GUCY2C: variants seen among roughly 807,000 people sequenced by gnomAD.
The protein encoded by GUCY2C is guanylate cyclase 2C.
Under a neutral mutation model 131.1 loss-of-function variants are expected in GUCY2C, and 118 were observed. The observed-to-expected ratio is 0.90, with a 90% CI of 0.78 to 1.05. The LOEUF (loss-of-function observed/expected upper bound fraction) is 1.05, where lower values mean the gene tolerates loss of function less well. Among genes scored for constraint, GUCY2C ranks in the 50% least tolerant of loss-of-function variants. The pLI, the probability that GUCY2C is intolerant of heterozygous loss-of-function variation, is 0.00. For missense variants in GUCY2C, 1,161 were observed against 1,304.4 expected (o/e 0.89, Z 1.69); for synonymous variants, 452 against 457.8 (o/e 0.99, Z 0.16).
intron 6 of GUCY2C, among the ~76,000 whole-genome samples, chr12:14,678,239 G>A (rs1861607): frequency 0.99 from 150,566 of 152,336 alleles, 74,422 homozygotes; most frequent in Middle Eastern, 1. Context: ...TTTACAAATG[G>A]GAAGATTTAA....
Position 14,621,197 on chromosome 12 carries a change from G to A in GUCY2C, c.2621C>T (p.Ala874Val), listed in dbSNP as rs1156904184. 6.2e-7 allele frequency: 1 copy of A among 1,612,884 alleles called. No individual in the cohort carries two copies. Among genetic ancestry groups the A allele is most frequent in the East Asian group, 2.2e-5 (1 of 44,864 alleles). Reference protein sequence around the residue: ...DVYKVETIGDAYMVASGLPKR... With the variant: ...DVYKVETIGDVYMVASGLPKR... ...AGGCAAACCACTAGCCACCATGTAC[G>A]CATCACCGATGGTTTCCACCTGTGG... The change falls in exon 23 of 27, where the codon GCG becomes GTG. Residue 874 changes from alanine (A) to valine (V), a missense_variant. By Grantham distance (64) the Ala-to-Val change is moderately conservative (BLOSUM62 0). Coordinates refer to ENST00000261170, the MANE Select transcript of GUCY2C (RefSeq NM_004963.4).
intron 5 of GUCY2C, 83 bp downstream of exon 5, chr12:14,681,273 A>G (rs1457225491): frequency 8.2e-7 from 1 of 1,215,846 alleles, no homozygotes; most frequent in African/African-American, 1.5e-5. Context: ...TCTGCAGTGG[A>G]GGATTTGTTG....
chr12:14,636,420 A>C (rs1243895853), intron 19 of GUCY2C, among the ~76,000 whole-genome samples: 1 of 152,198 alleles, frequency 6.6e-6, no homozygotes, highest in African/African-American at 2.4e-5. Context: ...TTCTTGATAA[A>C]AACTCTCAAA....
intron 12 of GUCY2C, among the ~76,000 whole-genome samples, chr12:14,653,244 C>T (rs990705547): frequency 6.6e-6 from 1 of 152,190 alleles, no homozygotes; most frequent in Non-Finnish European, 1.5e-5. Context: ...TATGGGTTTC[C>T]TCCCTTCCTC....
At chr12:14,633,348 T>G (rs530073774) in intron 19 of GUCY2C, among the ~76,000 whole-genome samples, 33 of 152,316 alleles carry the variant, frequency 2.2e-4, no homozygotes, top group Middle Eastern at 6.8e-3. Context: ...CACTACTGCA[T>G]GCACCCAGAA....
intron 3 of GUCY2C, among the ~76,000 whole-genome samples, chr12:14,684,582 TTCC>T (rs879628534): frequency 0.42 from 8,146 of 19,230 alleles, 497 homozygotes; most frequent in Non-Finnish European, 0.49. Context: ...CCTTCCTTCC[TTCC>T]TTCCTTCCTT....
chr12:14,683,340 G>T, intron 3 of GUCY2C, 83 bp from the exon 4 acceptor site: 1 of 808,246 alleles, frequency 1.2e-6, no homozygotes. Flanking sequence ...ACCTGTTTCA[G>T]CATGTATGTA....
At chr12:14,658,548 C>T (rs904614472) in intron 11 of GUCY2C, among the ~76,000 whole-genome samples, 10 of 152,194 alleles carry the variant, frequency 6.6e-5, no homozygotes, top group African/African-American at 1.4e-4. Context: ...TGGTGGTACA[C>T]GCCTGTAATT....
chr12:14,622,151 G>T lies in GUCY2C; in HGVS notation c.2455C>A (p.Leu819Ile). The change falls in exon 22 of 27, where the codon CTA becomes ATA. Residue 819 changes from leucine (L) to isoleucine (I), a missense_variant. Transcript: ENST00000261170. ...LKEKGFVEPE[L>I]YEEVTIYFSD... ...AAGTAGATTGTAACTTCCTCATATA[G>T]TTCCGGCTCCACAAAGCCTTTCTCC... 6.3e-7 allele frequency: 1 copy of T among 1,593,826 alleles called. No individual in the cohort carries two copies. The highest frequency in any genetic ancestry group is 8.5e-7 in the Non-Finnish European group (1 of 1,172,230).
intron 3 of GUCY2C, among the ~76,000 whole-genome samples, chr12:14,685,329 G>T (rs1193713815): frequency 2.6e-5 from 4 of 152,150 alleles, no homozygotes; most frequent in Non-Finnish European, 5.9e-5. Context: ...AGCATCTGAG[G>T]CTGTTTGTAA....
rs865971741 is a variant in GUCY2C, at chr12:14,681,398, C to T, written c.691G>A (p.Glu231Lys). ...TGGTCCATTAAGATATCCTGAAACT[C>T]CTTATCTTGTCTTAACACCACCTTA... is the stretch of plus-strand genomic sequence containing the variant. ...GFKVVLRQDKEFQDILMDHNR... is the reference protein window; with the variant it reads ...GFKVVLRQDKKFQDILMDHNR... Residue 231 changes from glutamate to lysine, a missense_variant, in exon 5 of 27, where the codon GAG (glutamate) becomes AAG (lysine). Coordinates refer to ENST00000261170, the MANE Select transcript of GUCY2C (RefSeq NM_004963.4). The T allele has an allele frequency of 6.2e-7, 1 of 1,611,990 alleles. No homozygotes were observed. Among genetic ancestry groups the T allele is most frequent in the Non-Finnish European group, 8.5e-7 (1 of 1,178,194 alleles).
chr12:14,669,862 A>C lies in GUCY2C; in HGVS notation c.1171-29T>G, dbSNP rs778431077. The C allele has an allele frequency of 3.3e-6, 3 of 895,802 alleles. No homozygotes were observed. The African/African-American group carries it at 5.1e-5, about 15-fold the overall frequency. 55.5% of individuals were successfully genotyped at this position (895,802 alleles called of 1,614,324 possible). On this transcript the variant is annotated intron_variant, in intron 9 of 26. Coordinates refer to ENST00000261170, the MANE Select transcript of GUCY2C (RefSeq NM_004963.4). ...TGTCAGGGCACAAAAAAGAAAAAGG[A>C]TGAACAGTAAAACATTATAGAACAA...
At chr12:14,653,873 C>G (rs779750510) in intron 12 of GUCY2C, among the ~76,000 whole-genome samples, 1 of 152,146 alleles carries the variant, frequency 6.6e-6, no homozygotes, top group Non-Finnish European at 1.5e-5. Context: ...TCTCATTTAA[C>G]AAATTAAGTA....
intron 1 of GUCY2C, among the ~76,000 whole-genome samples, chr12:14,691,810 C>T (rs1456518543): frequency 6.6e-6 from 1 of 152,192 alleles, no homozygotes; most frequent in Non-Finnish European, 1.5e-5. Context: ...TACTGGGCCC[C>T]AGTTCCTCAT....
intron 23 of GUCY2C, among the ~76,000 whole-genome samples, chr12:14,620,122 T>C (rs903160750): frequency 3.9e-5 from 6 of 152,192 alleles, no homozygotes; most frequent in Admixed American, 6.5e-5. Flanking sequence ...CAAACCTTGA[T>C]GTTCAAGGCT....
At chr12:14,637,499 A>G (rs1312970535) in intron 19 of GUCY2C, among the ~76,000 whole-genome samples, 1 of 152,216 alleles carries the variant, frequency 6.6e-6, no homozygotes, top group African/African-American at 2.4e-5. Context: ...AAGCAAAAAG[A>G]ACAAAGCTGG....
chr12:14,672,932 C>T lies in GUCY2C; in HGVS notation c.1111G>A (p.Asp371Asn), dbSNP rs1447462409. The change falls in exon 9 of 27, where the codon GAC becomes AAC. Residue 371 changes from aspartate to asparagine, a missense_variant. Physicochemically the swap from Asp to Asn is conservative, Grantham distance 23 (BLOSUM62 1). Coordinates refer to ENST00000261170, the MANE Select transcript of GUCY2C (RefSeq NM_004963.4). ...EGYDGPVTLDDWGDVDSTMVL... is the reference protein window; with the variant it reads ...EGYDGPVTLDNWGDVDSTMVL... The stretch of plus-strand genomic sequence containing the variant: ...ATGGTACTGTCAACATCCCCCCAGT[C>T]ATCCAAGGTCACTGGACCGTCATAC... 1.9e-6 allele frequency: 3 copies of T among 1,606,894 alleles called. No individual in the cohort carries two copies. In the South Asian group the frequency reaches 3.3e-5, roughly 18 times the overall value.
At chr12:14,651,327 T>C in intron 15 of GUCY2C, 80 bp downstream of exon 15, 1 of 739,664 alleles carries the variant, frequency 1.4e-6, no homozygotes, top group East Asian at 2.6e-5. Flanking sequence ...TCTAATATTA[T>C]TTTACTCGGT....
chr12:14,681,298 G>A lies in GUCY2C; in HGVS notation c.733+58C>T, dbSNP rs1023972764. 9 of 1,467,496 alleles carry A rather than the reference G, an allele frequency of 6.1e-6. No homozygotes were observed. The African/African-American group carries it at 1.1e-4, about 18-fold the overall frequency. 90.9% of individuals were successfully genotyped at this position (1,467,496 alleles called of 1,614,324 possible). On this transcript the variant is annotated intron_variant, in intron 5 of 26. Transcript: ENST00000261170. ...AGGATTTGTTGAAATGACTTATAAG[G>A]AGGTGGTAGTCATAAAGAAGAAGTT...
Sources: allele counts gnomAD v4.1 joint callset (sites outside exome capture counted in the v4.1 genomes callset), GRCh38; gene constraint gnomAD v4.1.1; transcripts MANE v1.5; gene names NCBI Gene and HGNC (gene_info 2026-07-23, HGNC 2026-07-21).